Variants in POLR1A observed in about 807,000 individuals in gnomAD.
POLR1A encodes the protein DNA-directed RNA polymerase I subunit RPA1.
A neutral mutation model predicts 205.3 loss-of-function variants in POLR1A; 84 were observed. The ratio of observed to expected loss-of-function variants is 0.41; its 90% CI spans 0.34 to 0.49. The LOEUF is 0.49. POLR1A is among the 20% of genes least tolerant of loss of function. POLR1A has a pLI of 0.22. For synonymous variants in POLR1A, 799 were observed against 863.7 expected, an observed-to-expected ratio of 0.93 and a Z score of 1.31; for missense variants, 1,645 against 2,204.5, an observed-to-expected ratio of 0.75 and a Z score of 5.08.
At chr2:86,056,322 G>C (rs1342435810) in intron 14 of POLR1A, among the ~76,000 whole-genome samples, 2 of 135,676 alleles carry the variant, frequency 1.5e-5, no homozygotes, top group Non-Finnish European at 3.2e-5. Flanking sequence ...CATGGTGGCG[G>C]GTGCCTGTTA....
In POLR1A at chr2:86,030,148, G is replaced by A. The variant is rs747870116; in HGVS notation, c.4779+48C>T. Reference sequence around the variant, plus strand: ...AGTGGCTGGGTCTTGAGACAACGTGGGGTGAGGACTAATGCTTTGTCCCAG... The same window carrying A: ...AGTGGCTGGGTCTTGAGACAACGTGAGGTGAGGACTAATGCTTTGTCCCAG... On this transcript the variant is annotated intron_variant, in intron 31 of 33. Transcript: ENST00000263857. 12 of 1,486,172 alleles carry A rather than the reference G, an allele frequency of 8.1e-6. No homozygotes were observed. In the South Asian group the frequency reaches 1.4e-4, roughly 17 times the overall value. 92.1% of individuals were successfully genotyped at this position (1,486,172 alleles called of 1,614,324 possible).
At chr2:86,078,069 A>T (rs186939928) in intron 10 of POLR1A, 45 bp downstream of exon 10, 8 of 1,612,322 alleles carry the variant, frequency 5.0e-6, no homozygotes, top group Admixed American at 3.4e-5. Flanking sequence ...AATGTTTATT[A>T]TTTATCTTCT....
chr2:86,038,506 T>C (rs1264691643), intron 27 of POLR1A, among the ~76,000 whole-genome samples, 194 bp downstream of exon 27: 1 of 152,184 alleles, frequency 6.6e-6, no homozygotes, highest in African/African-American at 2.4e-5. Context: ...AAGAAAGTCA[T>C]ACCCACAAGC....
At chr2:86,044,342 T>A (rs1189070893) in intron 21 of POLR1A, 38 bp from the exon 22 acceptor site, 2 of 1,611,466 alleles carry the variant, frequency 1.2e-6, no homozygotes, top group Admixed American at 1.7e-5. Flanking sequence ...CGCCGGCCCA[T>A]CACCTCCCCA....
chr2:86,063,016 C>T (rs1673023257), intron 14 of POLR1A, among the ~76,000 whole-genome samples: 1 of 152,140 alleles, frequency 6.6e-6, no homozygotes, highest in South Asian at 2.1e-4. Context: ...TCTATGTCTA[C>T]TAAAGAAATA....
intron 12 of POLR1A, 83 bp downstream of exon 12, chr2:86,074,947 C>G (rs1165711297): frequency 2.1e-6 from 2 of 969,826 alleles, no homozygotes; most frequent in African/African-American, 3.2e-5. Flanking sequence ...TCAGTGCGCA[C>G]CGGAGCCACA....
At chr2:86,037,364 T>C (rs774398635) in intron 27 of POLR1A, among the ~76,000 whole-genome samples, 6 of 152,152 alleles carry the variant, frequency 3.9e-5, no homozygotes, top group Non-Finnish European at 8.8e-5. Context: ...AAGGACTGAG[T>C]TCACATCCAA....
chr2:86,101,063 T>C (rs725047), intron 1 of POLR1A, among the ~76,000 whole-genome samples: 1,555 of 152,318 alleles, frequency 0.01, 29 homozygotes, highest in African/African-American at 0.035. Context: ...AAATAGTAAA[T>C]TTGACAACAT....
chr2:86,064,146 C>G (rs1205597404), intron 14 of POLR1A, among the ~76,000 whole-genome samples: 2 of 152,064 alleles, frequency 1.3e-5, no homozygotes, highest in Non-Finnish European at 2.9e-5. Context: ...TAGTGTGTCT[C>G]TAAAGGTTGG....
chr2:86,040,248 C>G, intron 25 of POLR1A, 144 bp downstream of exon 25: 2 of 636,828 alleles, frequency 3.1e-6, no homozygotes, highest in East Asian at 3.2e-5. Context: ...TAACCCTGAT[C>G]CCCACTTTAA....
chr2:86,099,158 T>C (rs1039047546), intron 2 of POLR1A, among the ~76,000 whole-genome samples: 1 of 152,076 alleles, frequency 6.6e-6, no homozygotes, highest in Admixed American at 6.5e-5. Flanking sequence ...GAGACCAGCC[T>C]GGCCAACATG....
At chr2:86,105,284 G>A (rs1411302398) in intron 1 of POLR1A, among the ~76,000 whole-genome samples, 1 of 152,058 alleles carries the variant, frequency 6.6e-6, no homozygotes, top group African/African-American at 2.4e-5. Context: ...AATATAGCAG[G>A]GTCCTAGCAA....
intron 13 of POLR1A, among the ~76,000 whole-genome samples, chr2:86,069,240 A>G (rs1258400617): frequency 1.3e-5 from 2 of 152,254 alleles, no homozygotes; most frequent in African/African-American, 2.4e-5. Flanking sequence ...TGAATGATGT[A>G]TAACTATGAA....
At chr2:86,069,858 T>C (rs187489176) in intron 13 of POLR1A, among the ~76,000 whole-genome samples, 160 bp downstream of exon 13, 8 of 152,336 alleles carry the variant, frequency 5.3e-5, no homozygotes, top group Admixed American at 3.3e-4. Context: ...TCTAAGCCAC[T>C]AGATGGGCTA....
At position 86,046,758 on chromosome 2, in the gene POLR1A, A is replaced by T. The variant is rs533746702; in HGVS notation, c.2733+407T>A. On this transcript the variant is annotated intron_variant, in intron 19 of 33. Coordinates refer to ENST00000263857, the MANE Select transcript of POLR1A (RefSeq NM_015425.6). ...GGCAGGAGAATCTCTGGAACCTGGG[A>T]GGCAGAGGTTGCAGTGAGCCAAGAT... Among the ~76,000 whole-genome samples, 6 of 152,218 alleles carry T rather than the reference A, an allele frequency of 3.9e-5. No homozygotes were observed. The East Asian group carries it at 1.2e-3, about 29-fold the overall frequency.
In POLR1A at chr2:86,081,608, G is replaced by A. The variant is rs1329358740; in HGVS notation, c.916C>T (p.Pro306Ser). 1.3e-6 allele frequency: 2 copies of A among 1,587,830 alleles called. No individual in the cohort carries two copies. The highest frequency in any genetic ancestry group is 8.6e-7 in the Non-Finnish European group (1 of 1,162,212). ...TTAATTAAAGGGTATTACCTTGAGG[G>A]CGGCACCACCAAGAAATCTAGAAAG... The part of the protein sequence containing the change: ...VFFLDFLVVP[P>S]SRYRPVSRLG... Residue 306 changes from proline to serine, a missense_variant, in exon 8 of 34, where the codon CCC (proline) becomes TCC (serine). Physicochemically the swap from Pro to Ser is moderately conservative, Grantham distance 74 (BLOSUM62 -1). This residue lies in a region of POLR1A where 9 missense variants were observed against 30.0 expected (regional missense o/e 0.30). Coordinates refer to ENST00000263857, the MANE Select transcript of POLR1A (RefSeq NM_015425.6).
rs567571993 is a variant in POLR1A at position 86,025,172 on chromosome 2, T to C, written c.*2251A>G. 6.6e-6 allele frequency: 1 copy of C among 152,196 alleles called. No individual in the cohort carries two copies. Among genetic ancestry groups the C allele is most frequent in the African/African-American group, 2.4e-5 (1 of 41,442 alleles). 9.4% of individuals were successfully genotyped at this position (152,196 alleles called of 1,614,324 possible). ...ACTCACAGCTCTCATGAAAAGTTTG[T>C]GAACCCCACCAGATGATCAATCTCC... On this transcript the variant is annotated 3_prime_UTR_variant, in exon 34 of 34. Coordinates refer to ENST00000263857, the MANE Select transcript of POLR1A (RefSeq NM_015425.6).
intron 13 of POLR1A, among the ~76,000 whole-genome samples, 153 bp downstream of exon 13, chr2:86,069,865 G>A (rs1673145378): frequency 6.6e-6 from 1 of 152,210 alleles, no homozygotes; most frequent in Non-Finnish European, 1.5e-5. Context: ...CACTAGATGG[G>A]CTAAAAGCCC....
intron 19 of POLR1A, 32 bp downstream of exon 19, chr2:86,047,133 C>G (rs1366863971): frequency 1.3e-6 from 2 of 1,514,110 alleles, no homozygotes; most frequent in South Asian, 2.2e-5. Flanking sequence ...TTGCTGACAC[C>G]TGTAAAGCTG....
Sources: gnomAD v4.1 joint callset for allele counts (sites outside exome capture counted in the v4.1 genomes callset) on GRCh38, gnomAD v4.1.1 for gene constraint, gnomAD v4.1.1 regional missense constraint, MANE v1.5 for transcripts, NCBI Gene and HGNC (gene_info 2026-07-23, HGNC 2026-07-21) for gene names.